Variants in ITPR2 observed in about 807,000 individuals in gnomAD.
The protein encoded by ITPR2 is inositol 1,4,5-trisphosphate receptor type 2, also known as inositol 1,4,5-trisphosphate-gated calcium channel ITPR2.
Under a neutral mutation model 317.1 loss-of-function variants are expected in ITPR2, and 207 were observed. The observed-to-expected ratio is 0.65, with a 90% CI of 0.58 to 0.73. The LOEUF is 0.73. ITPR2 is among the 30% of genes least tolerant of loss of function. ITPR2 has a pLI of 0.00. For synonymous variants in ITPR2, 1,156 were observed against 1,149.1 expected (o/e 1.01, Z -0.12); for missense variants, 2,613 against 3,284.0 (o/e 0.80, Z 4.99).
At chr12:26,802,261 T>C (rs181143775) in intron 1 of ITPR2, among the ~76,000 whole-genome samples, 5 of 151,686 alleles carry the variant, frequency 3.3e-5, no homozygotes, top group African/African-American at 1.2e-4. Context: ...ATCATGTCAC[T>C]GCACTCCAGC....
intron 37 of ITPR2, among the ~76,000 whole-genome samples, chr12:26,508,658 TA>T (rs940850329): frequency 6.6e-6 from 1 of 152,104 alleles, no homozygotes; most frequent in African/African-American, 2.4e-5. Flanking sequence ...TCTCTCCTTT[TA>T]AAAAAAGTTG....
intron 36 of ITPR2, among the ~76,000 whole-genome samples, chr12:26,555,156 G>A (rs552183964): frequency 1.3e-5 from 2 of 152,296 alleles, no homozygotes; most frequent in Admixed American, 6.5e-5. Flanking sequence ...GATCCCTGTA[G>A]TCAGTTTTTC....
chr12:26,796,768 A>G (rs546729521), intron 1 of ITPR2, among the ~76,000 whole-genome samples: 1 of 152,248 alleles, frequency 6.6e-6, no homozygotes, highest in East Asian at 1.9e-4. Context: ...GGCAGCTCAC[A>G]CCTGTAATCC....
At chr12:26,617,724 A>AAGGG (rs113686222) in intron 26 of ITPR2, among the ~76,000 whole-genome samples, 14 of 112,070 alleles carry the variant, frequency 1.2e-4, no homozygotes, top group African/African-American at 4.2e-4. Flanking sequence ...GGGAAGGAGG[A>AAGGG]AGGGAGGGAG....
At chr12:26,371,215 A>T (rs1022011164) in intron 55 of ITPR2, among the ~76,000 whole-genome samples, 3 of 152,168 alleles carry the variant, frequency 2.0e-5, no homozygotes, top group African/African-American at 4.8e-5. Flanking sequence ...CCCAAACTCA[A>T]AACCTTAGTC....
chr12:26,632,177 C>T (rs1182445842), intron 21 of ITPR2, 118 bp from the exon 22 acceptor site: 2 of 637,178 alleles, frequency 3.1e-6, no homozygotes, highest in Admixed American at 6.7e-5. Context: ...CAGGATAAGA[C>T]AGAATAGCAT....
chr12:26,817,179 T>TTA (rs1789768209), intron 1 of ITPR2, among the ~76,000 whole-genome samples: 2 of 31,702 alleles, frequency 6.3e-5, no homozygotes, highest in African/African-American at 5.9e-4. Context: ...AGAGTCTCTT[T>TTA]CAAAAAAAAA....
At chr12:26,690,210 T>A (rs865846606) in intron 10 of ITPR2, among the ~76,000 whole-genome samples, 9 of 152,188 alleles carry the variant, frequency 5.9e-5, no homozygotes, top group African/African-American at 2.2e-4. Flanking sequence ...AAATAAAACA[T>A]AATATTAACT....
chr12:26,562,336 T>C (rs753441626), intron 34 of ITPR2, among the ~76,000 whole-genome samples: 1 of 152,198 alleles, frequency 6.6e-6, no homozygotes, highest in Non-Finnish European at 1.5e-5. Context: ...ATTTAAGTAG[T>C]GTTTGTGTGC....
At chr12:26,602,340 G>A in intron 28 of ITPR2, 30 bp downstream of exon 28, 2 of 1,575,536 alleles carry the variant, frequency 1.3e-6, no homozygotes, top group Non-Finnish European at 1.7e-6. Context: ...AAAATAAAAA[G>A]CTAAAGAACA....
At chr12:26,762,447 A>C (rs1949652933) in intron 2 of ITPR2, among the ~76,000 whole-genome samples, 1 of 152,196 alleles carries the variant, frequency 6.6e-6, no homozygotes, top group Non-Finnish European at 1.5e-5. Context: ...AAAGTGGTGA[A>C]AGAAAGGACT....
intron 2 of ITPR2, among the ~76,000 whole-genome samples, chr12:26,733,633 C>T (rs1209865772): frequency 6.6e-6 from 1 of 152,060 alleles, no homozygotes; most frequent in Non-Finnish European, 1.5e-5. Context: ...CACTCAAGAA[C>T]AAATGAAGCT....
intron 37 of ITPR2, among the ~76,000 whole-genome samples, chr12:26,517,991 A>G (rs1489344308): frequency 6.6e-6 from 1 of 152,252 alleles, no homozygotes; most frequent in Admixed American, 6.5e-5. Context: ...AAACAGAACT[A>G]CCATTTGACC....
intron 1 of ITPR2, among the ~76,000 whole-genome samples, chr12:26,815,653 C>T (rs532521444): frequency 6.6e-6 from 1 of 151,910 alleles, no homozygotes; most frequent in East Asian, 1.9e-4. Context: ...ATGCATCAAA[C>T]CAGTAACAAA....
At chr12:26,599,449 C>G in intron 29 of ITPR2, 104 bp from the exon 30 acceptor site, 1 of 1,013,960 alleles carries the variant, frequency 9.9e-7, no homozygotes, top group South Asian at 1.5e-5. Context: ...ATATTTTATA[C>G]GAAGCCACAG....
At chr12:26,814,619 G>C (rs1950817303) in intron 1 of ITPR2, among the ~76,000 whole-genome samples, 1 of 152,108 alleles carries the variant, frequency 6.6e-6, no homozygotes, top group African/African-American at 2.4e-5. Flanking sequence ...TTTTCTCACA[G>C]AGAAATTTTC....
chr12:26,656,413 C>A lies in ITPR2; in HGVS notation c.2328G>T (p.Ala776=). The part of the protein sequence containing the change: ...SDESLPFDLR[A]SFCRLMLHMH... Reference sequence around the variant, plus strand: ...TGTGGAGCATGAGGCGACAGAAGGACGCTCGGAGGTCGAACGGCAGGCTCT... The same window carrying A: ...TGTGGAGCATGAGGCGACAGAAGGAAGCTCGGAGGTCGAACGGCAGGCTCT... Residue 776 remains alanine, a synonymous_variant, in exon 19 of 57, where the codon GCG becomes GCT. Transcript: ENST00000381340. 1.2e-6 allele frequency: 2 copies of A among 1,614,184 alleles called. No individual in the cohort carries two copies. Among genetic ancestry groups the A allele is most frequent in the South Asian group, 2.2e-5 (2 of 91,082 alleles).
chr12:26,463,497 C>A (rs888776907), intron 45 of ITPR2, among the ~76,000 whole-genome samples: 1 of 151,952 alleles, frequency 6.6e-6, no homozygotes, highest in African/African-American at 2.4e-5. Flanking sequence ...AGAAACCCGT[C>A]TCTACTAAAA....
intron 45 of ITPR2, among the ~76,000 whole-genome samples, chr12:26,460,319 G>A (rs755723868): frequency 2.0e-5 from 3 of 152,326 alleles, no homozygotes; most frequent in South Asian, 2.1e-4. Flanking sequence ...ATGGCCTTAC[G>A]GGGACAAGAA....
Sources: allele counts gnomAD v4.1 joint callset (sites outside exome capture counted in the v4.1 genomes callset), GRCh38; gene constraint gnomAD v4.1.1; transcripts MANE v1.5; gene names NCBI Gene and HGNC (gene_info 2026-07-23, HGNC 2026-07-21).